Variants in CCDC88A observed in about 807,000 individuals in gnomAD.
CCDC88A encodes the protein girdin.
A neutral mutation model predicts 234.3 loss-of-function variants in CCDC88A; 54 were observed. The observed-to-expected ratio is 0.23, with a 90% CI of 0.19 to 0.29. The LOEUF (loss-of-function observed/expected upper bound fraction) is 0.29. Among genes scored for constraint, CCDC88A ranks in the 10% least tolerant of loss-of-function variants. CCDC88A has a pLI of 1.00. For missense variants in CCDC88A, 1,832 were observed against 2,123.4 expected, an observed-to-expected ratio of 0.86 and a Z score of 2.70; for synonymous variants, 753 against 737.8, an observed-to-expected ratio of 1.02 and a Z score of -0.33.
At chr2:55,304,292 T>G (rs1681263867) in intron 25 of CCDC88A, among the ~76,000 whole-genome samples, 1 of 152,124 alleles carries the variant, frequency 6.6e-6, no homozygotes, top group African/African-American at 2.4e-5. Context: ...AAGGAGACCC[T>G]CTCTCAAAAA....
chr2:55,329,572 A>G (rs1014404977), intron 16 of CCDC88A: 1 of 152,208 alleles, frequency 6.6e-6, no homozygotes, highest in Admixed American at 6.5e-5. Flanking sequence ...TGATAGAAAC[A>G]TACAGTAAAC....
intron 17 of CCDC88A, among the ~76,000 whole-genome samples, chr2:55,326,396 G>A (rs1391033850): frequency 6.6e-6 from 1 of 151,960 alleles, no homozygotes. Flanking sequence ...TACTAATTTA[G>A]TGGTTACTTT....
rs764786120 is a variant in CCDC88A at position 55,372,412 on chromosome 2, GGTT to G, written c.402+37_402+39del. On this transcript the variant is annotated intron_variant, in intron 5 of 32. Coordinates refer to ENST00000436346, the MANE Select transcript of CCDC88A (RefSeq NM_001365480.1). ...ACAGCCTGATAAAAATATATAAAGA[GGTT>G]GTTAAAATGAAAATATGAAAAAATA... The G allele has an allele frequency of 2.7e-5, 26 of 956,222 alleles. No homozygotes were observed. In the Middle Eastern group the frequency reaches 1.1e-3, roughly 39 times the overall value. The allele number at this position is 956,222 out of a possible 1,614,324, so 59.2% of individuals were successfully genotyped here.
chr2:55,393,749 C>T (rs1456700081), intron 2 of CCDC88A, among the ~76,000 whole-genome samples: 1 of 152,068 alleles, frequency 6.6e-6, no homozygotes, highest in East Asian at 1.9e-4. Context: ...CATTACATTT[C>T]TATTTCTTTA....
intron 7 of CCDC88A, 26 bp downstream of exon 7, chr2:55,362,282 C>A (rs749285863): frequency 1.3e-6 from 2 of 1,534,450 alleles, no homozygotes; most frequent in Admixed American, 2.3e-5. Flanking sequence ...CAAACTTTCA[C>A]AATATACTGA....
chr2:55,296,687 T>A, intron 29 of CCDC88A, 164 bp from the exon 30 acceptor site: 1 of 679,026 alleles, frequency 1.5e-6, no homozygotes, highest in Non-Finnish European at 2.5e-6. Context: ...TTTATCAGTC[T>A]AACAATTGTC....
chr2:55,404,470 CCCA>C (rs1679224165), intron 2 of CCDC88A: 1 of 151,954 alleles, frequency 6.6e-6, no homozygotes, highest in Non-Finnish European at 1.5e-5. Context: ...CCATTATAAA[CCCA>C]CCAATTAAAG....
At chr2:55,355,310 A>G (rs1312588420) in intron 8 of CCDC88A, 2 of 310,100 alleles carry the variant, frequency 6.4e-6, no homozygotes, top group Non-Finnish European at 1.2e-5. Flanking sequence ...ACAAAAAACT[A>G]AGAGCCCCAA....
chr2:55,365,852 T>C (rs1400260498), intron 5 of CCDC88A, among the ~76,000 whole-genome samples: 1 of 152,226 alleles, frequency 6.6e-6, no homozygotes, highest in Non-Finnish European at 1.5e-5. Context: ...AATTTCTATA[T>C]GAGAGCTGCC....
rs745518858 is a variant in CCDC88A, at chr2:55,328,311, G to A, written c.2980C>T (p.Arg994Cys). Residue 994 changes from arginine (R) to cysteine (C), a missense_variant, in exon 17 of 33, where the codon CGC (arginine) becomes TGC (cysteine). Physicochemically the swap from Arg to Cys is radical, Grantham distance 180. Transcript: ENST00000436346. This position sits in a 1 kb window ranked among gnomAD's most constrained non-coding sequence, Gnocchi z 4.3. ...TCACTTACTGTTTTAAGTTCTTGGC[G>A]CAATTGCTGGTTATAATTCGTGGAT... ...EESTNYNQQL[R>C]QELKTVKKNY... 8.8e-6 allele frequency: 14 copies of A among 1,589,760 alleles called. No individual in the cohort carries two copies. Among genetic ancestry groups the A allele is most frequent in the Non-Finnish European group, 1.1e-5 (13 of 1,171,146 alleles).
In CCDC88A at chr2:55,299,842, T is replaced by C; in HGVS notation, c.4822A>G (p.Lys1608Glu). 1 of 1,604,598 alleles carries C rather than the reference T, an allele frequency of 6.2e-7. No homozygotes were observed. The part of the protein sequence containing the change: ...SNNNASLHEV[K>E]AGAVNNQSRP... ...AATAAATTTACCTACAGCATACCTTTGACTTCATGTAGTGAAGCATTATTA... is the reference window on the plus strand; with the variant it reads ...AATAAATTTACCTACAGCATACCTTCGACTTCATGTAGTGAAGCATTATTA... The change falls in exon 29 of 33, where the codon AAA becomes GAA. Residue 1608 changes from lysine (K) to glutamate (E), a missense_variant. Transcript: ENST00000436346.
At chr2:55,369,886 G>A (rs760640972) in intron 5 of CCDC88A, among the ~76,000 whole-genome samples, 2 of 151,926 alleles carry the variant, frequency 1.3e-5, no homozygotes, top group African/African-American at 2.4e-5. Flanking sequence ...CCTCAAACTC[G>A]TACTGTTTAC....
At position 55,317,358 on chromosome 2, in the gene CCDC88A, A is replaced by G. The variant is rs772081534; in HGVS notation, c.3603-9T>C. The G allele has an allele frequency of 3.5e-6, 5 of 1,445,268 alleles. No homozygotes were observed. The highest frequency in any genetic ancestry group is 2.4e-5 in the East Asian group (1 of 41,178). The allele number at this position is 1,445,268 out of a possible 1,614,324, so 89.5% of individuals were successfully genotyped here. On this transcript the variant is annotated splice_polypyrimidine_tract_variant and intron_variant, in intron 20 of 32. Transcript: ENST00000436346. The surrounding 1 kb of genome is among the most constrained non-coding windows in gnomAD (Gnocchi z 4.2). ...TTAATAACTGATTGTAACTGGGGGG[A>G]AAAAAGGCATTTGGTTTATAATATT... is the stretch of plus-strand genomic sequence containing the variant.
intron 2 of CCDC88A, chr2:55,404,086 G>A (rs1024937987): frequency 6.6e-6 from 1 of 152,088 alleles, no homozygotes; most frequent in Admixed American, 6.6e-5. Flanking sequence ...AGTATAGTAA[G>A]GCTTCTTAAT....
chr2:55,330,604 T>C (rs1433347510), intron 16 of CCDC88A, among the ~76,000 whole-genome samples: 1 of 152,216 alleles, frequency 6.6e-6, no homozygotes, highest in African/African-American at 2.4e-5. Context: ...CTGGGTTTTT[T>C]TTGTGACATA....
chr2:55,358,342 A>G (rs1670858197), intron 7 of CCDC88A, among the ~76,000 whole-genome samples: 1 of 152,194 alleles, frequency 6.6e-6, no homozygotes, highest in South Asian at 2.1e-4. Context: ...GTTTGACTCT[A>G]TCGCTGTTAT....
At chr2:55,418,016 G>C (rs1335436957) in intron 2 of CCDC88A, 1 of 152,100 alleles carries the variant, frequency 6.6e-6, no homozygotes, top group Non-Finnish European at 1.5e-5. Context: ...TGCTACAATA[G>C]CTGTAATTAG....
In CCDC88A at chr2:55,343,196, A is replaced by C. The variant is rs553583450; in HGVS notation, c.1333+452T>G. 2.6e-5 allele frequency among the ~76,000 whole-genome samples: 4 copies of C among 152,274 alleles called. No homozygotes were observed. The South Asian group carries it at 6.2e-4, about 24-fold the overall frequency. ...TATAATGGAGACTATACATATTACA[A>C]GTAGTCATGAAGATCCTTAAATTAA... On this transcript the variant is annotated intron_variant, in intron 12 of 32. Transcript: ENST00000436346.
At chr2:55,370,407 C>G (rs994396783) in intron 5 of CCDC88A, among the ~76,000 whole-genome samples, 1 of 151,926 alleles carries the variant, frequency 6.6e-6, no homozygotes, top group East Asian at 1.9e-4. Flanking sequence ...GTTGGAAGGC[C>G]GAGGCGGGCA....
Sources: allele counts gnomAD v4.1 joint callset (sites outside exome capture counted in the v4.1 genomes callset), GRCh38; gene constraint gnomAD v4.1.1; non-coding constraint Gnocchi (gnomAD v3.1); transcripts MANE v1.5; gene names NCBI Gene and HGNC (gene_info 2026-07-23, HGNC 2026-07-21).